The following SMYD3 variants were observed in gnomAD, a reference collection of about 807,000 sequenced individuals.
SMYD3 encodes the protein SET and MYND domain containing 3, also known as histone-lysine N-methyltransferase SMYD3.
A neutral mutation model predicts 57.7 loss-of-function variants in SMYD3; 36 were observed. The observed-to-expected ratio is 0.62, with a 90% CI of 0.48 to 0.82. The LOEUF (loss-of-function observed/expected upper bound fraction) is 0.82. SMYD3 is among the 40% of genes least tolerant of loss of function. The pLI is 0.00. For synonymous variants in SMYD3, 211 were observed against 195.0 expected (o/e 1.08, Z -0.68); for missense variants, 515 against 538.8 (o/e 0.96, Z 0.44).
intron 6 of SMYD3, among the ~76,000 whole-genome samples, chr1:245,929,351 C>T (rs530170783): frequency 6.6e-6 from 1 of 152,298 alleles, no homozygotes; most frequent in South Asian, 2.1e-4. Flanking sequence ...GCCTATAGTG[C>T]TTGTGGAGAG....
intron 2 of SMYD3, among the ~76,000 whole-genome samples, chr1:246,352,402 G>C (rs2065845789): frequency 6.6e-6 from 1 of 152,132 alleles, no homozygotes; most frequent in South Asian, 2.1e-4. Context: ...TTTGCGTTCT[G>C]TTCATCACTG....
At chr1:246,369,086 T>A (rs2066152167) in intron 1 of SMYD3, among the ~76,000 whole-genome samples, 2 of 152,310 alleles carry the variant, frequency 1.3e-5, no homozygotes, top group Admixed American at 1.3e-4. Flanking sequence ...AAAATGAGCA[T>A]AAATAATAAT....
intron 10 of SMYD3, among the ~76,000 whole-genome samples, chr1:245,821,982 A>T (rs1431565730): frequency 6.6e-6 from 1 of 152,092 alleles, no homozygotes; most frequent in Admixed American, 6.6e-5. Flanking sequence ...TGTGGAAGTC[A>T]GTGTGGCAAT....
intron 5 of SMYD3, among the ~76,000 whole-genome samples, chr1:246,237,647 C>G (rs1385514098): frequency 6.6e-6 from 1 of 152,196 alleles, no homozygotes; most frequent in Non-Finnish European, 1.5e-5. Context: ...TTAAAAGTCC[C>G]TGTAAACCTC....
At chr1:245,987,487 G>T (rs2058726631) in intron 5 of SMYD3, among the ~76,000 whole-genome samples, 1 of 152,210 alleles carries the variant, frequency 6.6e-6, no homozygotes, top group Non-Finnish European at 1.5e-5. Flanking sequence ...AAAGAAGCCA[G>T]AGCCAGGGAG....
chr1:246,119,907 A>C (rs1485730227), intron 5 of SMYD3, among the ~76,000 whole-genome samples: 1 of 152,216 alleles, frequency 6.6e-6, no homozygotes, highest in Non-Finnish European at 1.5e-5. Context: ...CTATAACAAA[A>C]GACAGATTGA....
At chr1:246,345,345 G>T (rs2065695935) in intron 2 of SMYD3, among the ~76,000 whole-genome samples, 1 of 151,990 alleles carries the variant, frequency 6.6e-6, no homozygotes, top group African/African-American at 2.4e-5. Context: ...TGGCACCTTT[G>T]TTGAAAATCA....
At position 245,893,345 on chromosome 1, in the gene SMYD3, G is replaced by A. The variant is rs547195506; in HGVS notation, c.813+22185C>T. Among the ~76,000 whole-genome samples the A allele has an allele frequency of 1.2e-4, 19 of 152,242 alleles. No individual in the cohort carries two copies. In the South Asian group the frequency reaches 3.7e-3, roughly 30 times the overall value. On this transcript the variant is annotated intron_variant, in intron 8 of 11. Transcript: ENST00000490107. The stretch of plus-strand genomic sequence containing the variant: ...AAACATATATTTACCATAGAGCCCA[G>A]CAACCCCACTCCTAGGTATTTGTCC...
intron 10 of SMYD3, among the ~76,000 whole-genome samples, chr1:245,811,967 A>G (rs950018087): frequency 1.3e-5 from 2 of 152,218 alleles, no homozygotes; most frequent in Non-Finnish European, 2.9e-5. Context: ...TACTGCATAC[A>G]ACACACTAGC....
chr1:245,946,112 G>A (rs939057205), intron 5 of SMYD3, among the ~76,000 whole-genome samples: 1 of 152,046 alleles, frequency 6.6e-6, no homozygotes, highest in Non-Finnish European at 1.5e-5. Context: ...ATGCACCCCC[G>A]CAGTTAAATT....
chr1:246,481,243 G>A (rs1406390665), intron 1 of SMYD3, among the ~76,000 whole-genome samples: 1 of 152,016 alleles, frequency 6.6e-6, no homozygotes, highest in Non-Finnish European at 1.5e-5. Context: ...ATGTAAACAT[G>A]ACTGGGCCAC....
chr1:246,063,578 A>G lies in SMYD3; in HGVS notation c.532-133641T>C, dbSNP rs1422266866. On this transcript the variant is annotated intron_variant, in intron 5 of 11. Coordinates refer to ENST00000490107, the MANE Select transcript of SMYD3 (RefSeq NM_001167740.2). ...CTTCCCTTCCTTCCTTCCCTCCCTC[A>G]CTCCCATTCCCTCCCCTCCCCTCCT... Among the ~76,000 whole-genome samples, 14 of 60,842 alleles carry G rather than the reference A, an allele frequency of 2.3e-4. No individual in the cohort carries two copies. In the Admixed American group the frequency reaches 2.6e-3, roughly 11 times the overall value. 39.9% of individuals were successfully genotyped at this position (60,842 alleles called of 152,430 possible).
At chr1:246,491,586 A>T (rs983426624) in intron 1 of SMYD3, among the ~76,000 whole-genome samples, 2 of 152,272 alleles carry the variant, frequency 1.3e-5, no homozygotes, top group East Asian at 3.9e-4. Context: ...ATCAGTCATT[A>T]AAGGCATATT....
At chr1:245,951,190 G>A (rs2057626596) in intron 5 of SMYD3, among the ~76,000 whole-genome samples, 1 of 152,030 alleles carries the variant, frequency 6.6e-6, no homozygotes, top group East Asian at 1.9e-4. Context: ...AATACCAGCG[G>A]AGTCCACGGC....
intron 7 of SMYD3, among the ~76,000 whole-genome samples, chr1:245,922,364 T>C (rs1044246547): frequency 1.3e-5 from 2 of 152,232 alleles, no homozygotes; most frequent in Non-Finnish European, 2.9e-5. Flanking sequence ...AGACTGCCTA[T>C]AGAAAATGTT....
intron 5 of SMYD3, among the ~76,000 whole-genome samples, chr1:246,116,053 T>C (rs186856841): frequency 1.3e-5 from 2 of 152,186 alleles, no homozygotes; most frequent in African/African-American, 4.8e-5. Flanking sequence ...GGTACAAGAA[T>C]TGCTTGAACC....
chr1:245,955,249 A>T (rs962702259), intron 5 of SMYD3, among the ~76,000 whole-genome samples: 1 of 63,464 alleles, frequency 1.6e-5, no homozygotes, highest in South Asian at 8.1e-4. Flanking sequence ...CCGCCGCCAT[A>T]CCTGGCTAAT....
chr1:246,055,538 T>C (rs1292933357), intron 5 of SMYD3, among the ~76,000 whole-genome samples: 5 of 152,254 alleles, frequency 3.3e-5, no homozygotes, highest in African/African-American at 1.2e-4. Context: ...CAGATTCAAA[T>C]AGGTATTGGC....
At chr1:246,259,619 T>A (rs1404809738) in intron 5 of SMYD3, among the ~76,000 whole-genome samples, 7 of 152,216 alleles carry the variant, frequency 4.6e-5, no homozygotes, top group Non-Finnish European at 8.8e-5. Flanking sequence ...TTGCAGCCAA[T>A]GTAGCTGGAT....
Sources: allele counts gnomAD v4.1 joint callset (sites outside exome capture counted in the v4.1 genomes callset), GRCh38; gene constraint gnomAD v4.1.1; transcripts MANE v1.5; gene names NCBI Gene and HGNC (gene_info 2026-07-23, HGNC 2026-07-21).